PPIL6: variants seen among roughly 807,000 people sequenced by gnomAD.
PPIL6 encodes peptidylprolyl isomerase like 6, also known as probable inactive peptidyl-prolyl cis-trans isomerase-like 6.
Under a neutral mutation model 36.8 loss-of-function variants are expected in PPIL6, and 39 were observed. The observed-to-expected ratio is 1.06, with a 90% CI of 0.82 to 1.38. The LOEUF (loss-of-function observed/expected upper bound fraction) is 1.38, where lower values mean the gene tolerates loss of function less well. PPIL6 is among the 40% of genes most tolerant of loss of function. PPIL6 has a pLI of 0.00. For missense variants in PPIL6, 368 were observed against 379.1 expected, an observed-to-expected ratio of 0.97 and a Z score of 0.24; for synonymous variants, 123 against 134.1, an observed-to-expected ratio of 0.92 and a Z score of 0.57.
At chr6:109,416,549 C>T (rs571475506) in intron 6 of PPIL6, among the ~76,000 whole-genome samples, 9 of 145,042 alleles carry the variant, frequency 6.2e-5, no homozygotes, top group East Asian at 6.0e-4. Flanking sequence ...TCACTTTTGT[C>T]TGCCATAAAA....
rs966501352 is a variant in PPIL6, at chr6:109,434,377, G to A, written c.231+1727C>T. 2.6e-5 allele frequency among the ~76,000 whole-genome samples: 4 copies of A among 152,132 alleles called. No individual in the cohort carries two copies. The South Asian group carries it at 6.2e-4, about 24-fold the overall frequency. On this transcript the variant is annotated intron_variant, in intron 2 of 7. Transcript: ENST00000521072. ...TTGAGACCAGCTTGGCCAAAATAGCGAGACCCTGTTTCTACAAACAAAGAA... is the reference window on the plus strand; with the variant it reads ...TTGAGACCAGCTTGGCCAAAATAGCAAGACCCTGTTTCTACAAACAAAGAA...
chr6:109,409,919 A>G (rs958842231), intron 6 of PPIL6, among the ~76,000 whole-genome samples: 2 of 152,238 alleles, frequency 1.3e-5, no homozygotes, highest in Non-Finnish European at 2.9e-5. Flanking sequence ...AAGAATCAAT[A>G]TTATTTAAAA....
chr6:109,438,346 C>T (rs1016954666), intron 1 of PPIL6, among the ~76,000 whole-genome samples: 1 of 151,182 alleles, frequency 6.6e-6, no homozygotes, highest in Non-Finnish European at 1.5e-5. Flanking sequence ...TTCGGGAGGT[C>T]GAGGAGGATT....
At chr6:109,403,234 T>C in intron 6 of PPIL6, 1 of 545,354 alleles carries the variant, frequency 1.8e-6, no homozygotes. Flanking sequence ...ACCTCCTGAG[T>C]AGCTGGGACT....
At chr6:109,408,266 G>A (rs746614698) in intron 6 of PPIL6, among the ~76,000 whole-genome samples, 1 of 152,112 alleles carries the variant, frequency 6.6e-6, no homozygotes, top group Non-Finnish European at 1.5e-5. Flanking sequence ...CAAAGAATAT[G>A]ATAATCTAAT....
At position 109,391,674 on chromosome 6, in the gene PPIL6, G is replaced by C. The variant is rs1772104028; in HGVS notation, c.*1152C>G. 1 of 152,174 alleles carries C rather than the reference G, an allele frequency of 6.6e-6. No individual in the cohort carries two copies. Among genetic ancestry groups the C allele is most frequent in the African/African-American group, 2.4e-5 (1 of 41,436 alleles). The allele number at this position is 152,174 out of a possible 1,614,324, so 9.4% of individuals were successfully genotyped here. On this transcript the variant is annotated 3_prime_UTR_variant, in exon 8 of 8. Transcript: ENST00000521072. ...AAAGCTCCCCAGGTGATATGAGCTT[G>C]AGAACTTTAGATTACAGAGTAGTGA...
intron 7 of PPIL6, among the ~76,000 whole-genome samples, chr6:109,399,527 G>A (rs1268483785): frequency 1.3e-5 from 2 of 152,038 alleles, no homozygotes; most frequent in Non-Finnish European, 2.9e-5. Context: ...CTCAGCCTCC[G>A]GAGTGGCTGG....
intron 2 of PPIL6, among the ~76,000 whole-genome samples, chr6:109,433,477 C>T (rs1774275063): frequency 6.6e-6 from 1 of 152,224 alleles, no homozygotes; most frequent in African/African-American, 2.4e-5. Context: ...AAATGCCTTC[C>T]TCTGTCTCCT....
At chr6:109,435,447 G>A (rs1457605845) in intron 2 of PPIL6, among the ~76,000 whole-genome samples, 1 of 151,878 alleles carries the variant, frequency 6.6e-6, no homozygotes, top group East Asian at 1.9e-4. Context: ...ATAGGCACGC[G>A]CCACCATGCC....
chr6:109,441,087 T>G, upstream of PPIL6: 1 of 1,612,920 alleles, frequency 6.2e-7, no homozygotes, highest in Non-Finnish European at 8.5e-7. Context: ...CGCTGGAGAG[T>G]TCGAGCCGCC....
At chr6:109,415,320 G>A (rs1773200805) in intron 6 of PPIL6, among the ~76,000 whole-genome samples, 1 of 152,200 alleles carries the variant, frequency 6.6e-6, no homozygotes, top group Non-Finnish European at 1.5e-5. Context: ...GTCAAAAGTA[G>A]TCTTGAGTAA....
chr6:109,432,550 C>T (rs1303307476), intron 2 of PPIL6, among the ~76,000 whole-genome samples: 1 of 152,122 alleles, frequency 6.6e-6, no homozygotes, highest in Non-Finnish European at 1.5e-5. Flanking sequence ...ATCTCAGATT[C>T]TCAGAATCAC....
chr6:109,437,603 G>A (rs1195958214), intron 1 of PPIL6, among the ~76,000 whole-genome samples: 1 of 137,930 alleles, frequency 7.3e-6, no homozygotes, highest in African/African-American at 2.7e-5. Context: ...TGCCCAGGAT[G>A]GAGTGCAGCG....
At chr6:109,434,647 C>T (rs966161790) in intron 2 of PPIL6, among the ~76,000 whole-genome samples, 1 of 152,148 alleles carries the variant, frequency 6.6e-6, no homozygotes, top group Non-Finnish European at 1.5e-5. Flanking sequence ...GATAATTAAT[C>T]ACAGGATCAC....
Position 109,440,584 on chromosome 6 carries a change from T to C in PPIL6, c.7A>G (p.Arg3Gly). Residue 3 changes from arginine to glycine, a missense_variant, in exon 1 of 8, where the codon AGG becomes GGG. Physicochemically the swap from Arg to Gly is moderately radical, Grantham distance 125. Coordinates refer to ENST00000521072, the MANE Select transcript of PPIL6 (RefSeq NM_173672.5). ...TGCGGGGGCCCGCACGGCTGCGGCC[T>C]TGCCATGGCCGCGCCCGGGGACGCC... MARPQPCGPPHAR... is the reference protein window; with the variant it reads MAGPQPCGPPHAR... 7.3e-7 allele frequency: 1 copy of C among 1,366,446 alleles called. No homozygotes were observed. The highest frequency in any genetic ancestry group is 9.4e-7 in the Non-Finnish European group (1 of 1,061,400). The allele number at this position is 1,366,446 out of a possible 1,614,324, so 84.6% of individuals were successfully genotyped here. A position where few individuals can be genotyped will look rare whatever the true frequency, so the allele number is the denominator to read the frequency against.
rs561795695 is a variant in PPIL6, at chr6:109,436,495, A to G, written c.136-296T>C. On this transcript the variant is annotated intron_variant, in intron 1 of 7. Coordinates refer to ENST00000521072, the MANE Select transcript of PPIL6 (RefSeq NM_173672.5). Reference sequence around the variant, plus strand: ...CACTTTGGGAGGCTGAGGTGGGCAGATCACCTGAGGTCAGGAGATTGAGAC... The same window carrying G: ...CACTTTGGGAGGCTGAGGTGGGCAGGTCACCTGAGGTCAGGAGATTGAGAC... 2.0e-5 allele frequency among the ~76,000 whole-genome samples: 3 copies of G among 152,328 alleles called. No homozygotes were observed. The South Asian group carries it at 6.2e-4, about 32-fold the overall frequency.
intron 2 of PPIL6, among the ~76,000 whole-genome samples, chr6:109,432,110 C>T (rs1354140173): frequency 6.6e-6 from 1 of 152,192 alleles, no homozygotes; most frequent in Non-Finnish European, 1.5e-5. Flanking sequence ...AAAATTCAGT[C>T]TCTGTCTTCA....
Position 109,390,611 on chromosome 6 carries a change from G to C in PPIL6, c.*2215C>G, listed in dbSNP as rs191856102. On this transcript the variant is annotated 3_prime_UTR_variant, in exon 8 of 8. Coordinates refer to ENST00000521072, the MANE Select transcript of PPIL6 (RefSeq NM_173672.5). ...CAGGAGTTAGGGATGGCAGAGGGCA[G>C]GGGAGTGGGTTGACTGTAAAGGGGT... is the stretch of plus-strand genomic sequence containing the variant. 6.6e-6 allele frequency: 1 copy of C among 152,512 alleles called. No individual in the cohort carries two copies. The highest frequency in any genetic ancestry group is 6.5e-5 in the Admixed American group (1 of 15,294). 9.4% of individuals were successfully genotyped at this position (152,512 alleles called of 1,614,324 possible).
Position 109,414,718 on chromosome 6 carries a change from T to C in PPIL6, c.688+4469A>G, listed in dbSNP as rs555519766. Among the ~76,000 whole-genome samples, 62 of 152,028 alleles carry C rather than the reference T, an allele frequency of 4.1e-4. 1 individual carries two copies. Among genetic ancestry groups the C allele is most frequent in the East Asian group, 7.7e-4 (4 of 5,172 alleles). ...AGGCTTCTTTTAGCTTATTTTGATATAGACTGTTACAGTTTTGATCTACAG... is the reference window on the plus strand; with the variant it reads ...AGGCTTCTTTTAGCTTATTTTGATACAGACTGTTACAGTTTTGATCTACAG... On this transcript the variant is annotated intron_variant, in intron 6 of 7. Coordinates refer to ENST00000521072, the MANE Select transcript of PPIL6 (RefSeq NM_173672.5).
Sources: allele counts gnomAD v4.1 joint callset (sites outside exome capture counted in the v4.1 genomes callset), GRCh38; gene constraint gnomAD v4.1.1; transcripts MANE v1.5; gene names NCBI Gene and HGNC (gene_info 2026-07-23, HGNC 2026-07-21).